The following CHST9 variants were observed in gnomAD, a reference collection of about 807,000 sequenced individuals.
CHST9 encodes the protein carbohydrate sulfotransferase 9, also known as GalNAc-4-sulfotransferase 2.
CHST9 carries 41 observed loss-of-function variants against 44.4 expected under a neutral mutation model. That is an observed-to-expected ratio of 0.92 (90% CI 0.72 to 1.20). The LOEUF (loss-of-function observed/expected upper bound fraction) is 1.20. Among genes scored for constraint, CHST9 ranks in the 50% most tolerant of loss-of-function variants. The pLI, the probability that CHST9 is intolerant of heterozygous loss-of-function variation, is 0.00. For synonymous variants in CHST9, 171 were observed against 178.4 expected, an observed-to-expected ratio of 0.96 and a Z score of 0.33; for missense variants, 504 against 516.5, an observed-to-expected ratio of 0.98 and a Z score of 0.23.
At chr18:27,073,030 C>T (rs745507653) in intron 2 of CHST9, among the ~76,000 whole-genome samples, 51 of 152,250 alleles carry the variant, frequency 3.3e-4, no homozygotes, top group Admixed American at 2.6e-4. Context: ...ATTTGAGAAG[C>T]GTTGGGCTAA....
intron 5 of CHST9, among the ~76,000 whole-genome samples, chr18:26,922,574 A>T (rs1433631934): frequency 2.0e-5 from 3 of 152,178 alleles, no homozygotes; most frequent in Non-Finnish European, 4.4e-5. Context: ...ATATGGAAAA[A>T]TGTGTGGAAT....
intron 2 of CHST9, among the ~76,000 whole-genome samples, chr18:27,096,144 C>T (rs775863315): frequency 1.3e-5 from 2 of 151,980 alleles, no homozygotes; most frequent in Non-Finnish European, 2.9e-5. Context: ...TTCAAAACCA[C>T]AATATCACAT....
At chr18:26,965,999 G>C (rs912448290) in intron 4 of CHST9, among the ~76,000 whole-genome samples, 2 of 152,246 alleles carry the variant, frequency 1.3e-5, no homozygotes, top group African/African-American at 4.8e-5. Context: ...CCATGCCTCA[G>C]TTCCTATGCC....
chr18:27,086,481 G>T (rs1001713438), intron 2 of CHST9, among the ~76,000 whole-genome samples: 2 of 152,070 alleles, frequency 1.3e-5, no homozygotes, highest in African/African-American at 4.8e-5. Flanking sequence ...TTTATATCTG[G>T]TACTTCATAA....
chr18:26,957,612 C>T (rs915815901), intron 4 of CHST9, among the ~76,000 whole-genome samples: 5 of 149,066 alleles, frequency 3.4e-5, no homozygotes, highest in African/African-American at 7.4e-5. Flanking sequence ...ACTTTAATAA[C>T]GACAATAGCA....
chr18:27,083,144 T>A (rs955271077), intron 2 of CHST9, among the ~76,000 whole-genome samples: 1 of 152,146 alleles, frequency 6.6e-6, no homozygotes, highest in African/African-American at 2.4e-5. Context: ...GATATAGATA[T>A]ACAGGTAAAT....
At chr18:27,127,353 G>A (rs138332718) in intron 2 of CHST9, among the ~76,000 whole-genome samples, 143 of 152,304 alleles carry the variant, frequency 9.4e-4, no homozygotes, top group Non-Finnish European at 1.7e-3. Context: ...TGTCTTCATG[G>A]ACGTCAAGGG....
chr18:27,143,684 A>T (rs2143873198), intron 1 of CHST9, among the ~76,000 whole-genome samples: 1 of 152,268 alleles, frequency 6.6e-6, no homozygotes, highest in East Asian at 1.9e-4. Context: ...CTTACATAAA[A>T]TGCCAAAGTG....
At chr18:27,002,337 T>G (rs907484501) in intron 4 of CHST9, among the ~76,000 whole-genome samples, 2 of 152,166 alleles carry the variant, frequency 1.3e-5, no homozygotes, top group African/African-American at 4.8e-5. Flanking sequence ...TTTGCCAACA[T>G]GGATCATCTT....
intron 2 of CHST9, among the ~76,000 whole-genome samples, chr18:27,066,375 G>C (rs58115061): frequency 0.075 from 11,423 of 152,156 alleles, 739 homozygotes; most frequent in African/African-American, 0.17. Flanking sequence ...TATTATAAAA[G>C]TTAAAAGAAA....
At chr18:27,145,782 A>G (rs985203298) in intron 1 of CHST9, among the ~76,000 whole-genome samples, 6 of 152,326 alleles carry the variant, frequency 3.9e-5, no homozygotes, top group Middle Eastern at 3.4e-3. Flanking sequence ...GCTTCCAAAC[A>G]TATGTAACAA....
chr18:27,030,338 T>C (rs1427764148), intron 3 of CHST9, among the ~76,000 whole-genome samples: 3 of 152,254 alleles, frequency 2.0e-5, no homozygotes, highest in Non-Finnish European at 2.9e-5. Context: ...GAAAACTTTC[T>C]TTTTATAAAA....
intron 4 of CHST9, among the ~76,000 whole-genome samples, chr18:26,946,820 A>G (rs1413184049): frequency 6.6e-6 from 1 of 151,996 alleles, no homozygotes; most frequent in Non-Finnish European, 1.5e-5. Flanking sequence ...TCAAGATCAG[A>G]TGGTTGTAGA....
chr18:26,956,326 A>AAAAT (rs1404547736), intron 4 of CHST9, among the ~76,000 whole-genome samples: 10 of 125,696 alleles, frequency 8.0e-5, no homozygotes, highest in Non-Finnish European at 1.3e-4. Flanking sequence ...AAAAAAAAAA[A>AAAAT]ATATATATAT....
At chr18:27,004,527 T>C (rs563394969) in intron 4 of CHST9, among the ~76,000 whole-genome samples, 2 of 152,238 alleles carry the variant, frequency 1.3e-5, no homozygotes, top group African/African-American at 4.8e-5. Context: ...TGAATCCTTA[T>C]GTCGATAAAT....
chr18:27,039,275 C>T (rs2057420325), intron 3 of CHST9, among the ~76,000 whole-genome samples: 1 of 152,076 alleles, frequency 6.6e-6, no homozygotes, highest in Non-Finnish European at 1.5e-5. Context: ...ACTCAAGTGC[C>T]CATTGTTGCA....
At chr18:27,103,070 C>A (rs4800786) in intron 2 of CHST9, among the ~76,000 whole-genome samples, 67,865 of 151,962 alleles carry the variant, frequency 0.45, 15,732 homozygotes, top group East Asian at 0.65. Context: ...TGGAAAAAAG[C>A]AGGGAAAAAT....
At chr18:26,974,743 G>A (rs1262509972) in intron 4 of CHST9, among the ~76,000 whole-genome samples, 2 of 150,100 alleles carry the variant, frequency 1.3e-5, no homozygotes, top group African/African-American at 2.5e-5. Flanking sequence ...GCCCGATCTC[G>A]GCTCACCGCA....
At chr18:27,164,322 G>GA (rs34425276) in intron 1 of CHST9, among the ~76,000 whole-genome samples, 45,526 of 121,354 alleles carry the variant, frequency 0.38, 7,717 homozygotes, top group Non-Finnish European at 0.44. Context: ...AAATCAGAAA[G>GA]AAAAAAAAAA....
Sources: allele counts gnomAD v4.1 joint callset (sites outside exome capture counted in the v4.1 genomes callset), GRCh38; gene constraint gnomAD v4.1.1; transcripts MANE v1.5; gene names NCBI Gene and HGNC (gene_info 2026-07-23, HGNC 2026-07-21).